The following WDR4 variants were observed in gnomAD, a reference collection of about 807,000 sequenced individuals.
WDR4 encodes tRNA (guanine-N(7)-)-methyltransferase non-catalytic subunit WDR4.
In WDR4, 47 loss-of-function variants were observed where a neutral mutation model predicts 48.6. That is an observed-to-expected ratio of 0.97 (90% confidence interval 0.77 to 1.23). WDR4 has a LOEUF of 1.23. Ranked by LOEUF, WDR4 falls within the 50% of genes most tolerant of loss-of-function variation. The pLI is 0.00. For missense variants in WDR4, 606 were observed against 551.6 expected, an observed-to-expected ratio of 1.10 and a Z score of -0.99; for synonymous variants, 268 against 230.0, an observed-to-expected ratio of 1.17 and a Z score of -1.49.
rs376665509 is a variant in WDR4, at chr21:42,862,320, C to T, written c.528G>A (p.Ala176=). 105 of 1,611,422 alleles carry T rather than the reference C, an allele frequency of 6.5e-5. No homozygotes were observed. Among genetic ancestry groups the T allele is most frequent in the Middle Eastern group, 1.7e-4 (1 of 6,036 alleles). ...AGCAGAAGGACTCGATGCTATGGGG[C>T]GCCGCGGCCCAGCTGACTCGGATCT... ...DEKIRVSWAA[A]PHSIESFCLG... Residue 176 remains alanine, a synonymous_variant, in exon 5 of 11, where the codon GCG becomes GCA. Coordinates refer to ENST00000398208, the MANE Select transcript of WDR4 (RefSeq NM_018669.6). This position sits in a 1 kb window ranked among gnomAD's most constrained non-coding sequence, Gnocchi z 4.3.
In WDR4 at chr21:42,879,505, C is replaced by A; in HGVS notation, c.-10G>T. The A allele has an allele frequency of 6.2e-7, 1 of 1,612,882 alleles. No homozygotes were observed. Among genetic ancestry groups the A allele is most frequent in the Non-Finnish European group, 8.5e-7 (1 of 1,179,758 alleles). ...CCACAGAGCCCGCCATGTACCCGCC[C>A]GCCTCACCGCCATACACATGTGCCA... On this transcript the variant is annotated 5_prime_UTR_variant, in exon 1 of 11. Coordinates refer to ENST00000398208, the MANE Select transcript of WDR4 (RefSeq NM_018669.6).
At chr21:42,853,053 A>C (rs458708) in intron 9 of WDR4, among the ~76,000 whole-genome samples, 17,734 of 152,184 alleles carry the variant, frequency 0.12, 1,104 homozygotes, top group East Asian at 0.24. Context: ...CGATGCAGAC[A>C]AGGTACAGGG....
chr21:42,850,322 G>A (rs2057791941), intron 10 of WDR4, 80 bp from the exon 11 acceptor site: 8 of 1,349,088 alleles, frequency 5.9e-6, no homozygotes, highest in African/African-American at 1.5e-5. Flanking sequence ...CCCTGCAGCA[G>A]GGAGTTACCT....
upstream of WDR4, chr21:42,879,680 G>T: frequency 1.6e-6 from 1 of 632,432 alleles, no homozygotes; most frequent in Non-Finnish European, 2.6e-6. Flanking sequence ...GGTTGTGGCT[G>T]GTGGCCTTCG....
chr21:42,892,006 G>A, the WDR4 span, among the ~76,000 whole-genome samples: 2 of 149,212 alleles, frequency 1.3e-5, no homozygotes, highest in Non-Finnish European at 1.5e-5. Flanking sequence ...GTAATCCCAG[G>A]GCTTTGGGAG....
Position 42,859,731 on chromosome 21 carries a change from G to C in WDR4, c.567-9C>G. 2 of 1,555,884 alleles carry C rather than the reference G, an allele frequency of 1.3e-6. No individual in the cohort carries two copies. Among genetic ancestry groups the C allele is most frequent in the Admixed American group, 3.9e-5 (2 of 51,598 alleles). ...AGATACGGCTCACAAACCTGTGAGG[G>C]CGAGAGAGAGCGGCAGAGTCAGCGA... On this transcript the variant is annotated splice_polypyrimidine_tract_variant and intron_variant, in intron 5 of 10. Coordinates refer to ENST00000398208, the MANE Select transcript of WDR4 (RefSeq NM_018669.6).
chr21:42,867,971 A>G (rs1315306586), intron 3 of WDR4, among the ~76,000 whole-genome samples: 1 of 152,046 alleles, frequency 6.6e-6, no homozygotes, highest in African/African-American at 2.4e-5. Flanking sequence ...AGCACCTACA[A>G]CCAAGGATGA....
chr21:42,861,330 G>A (rs7283214), intron 5 of WDR4, among the ~76,000 whole-genome samples: 1 of 120,980 alleles, frequency 8.3e-6, no homozygotes, highest in African/African-American at 3.1e-5. Flanking sequence ...GAAGGGAGGG[G>A]AAGGGTGGGG....
downstream of WDR4, among the ~76,000 whole-genome samples, chr21:42,844,547 C>T (rs2057694694): frequency 6.6e-6 from 1 of 152,214 alleles, no homozygotes; most frequent in Non-Finnish European, 1.5e-5. Context: ...AACCCACAAG[C>T]GTTGAGTCTG....
upstream of WDR4, among the ~76,000 whole-genome samples, chr21:42,880,121 ACTCT>A (rs1191123461): frequency 1.9e-4 from 27 of 145,134 alleles, no homozygotes; most frequent in African/African-American, 6.3e-4. Flanking sequence ...ACAGAGCGAG[ACTCT>A]CTCTCAAAAA....
chr21:42,874,661 G>A (rs1203029192), intron 2 of WDR4, among the ~76,000 whole-genome samples: 4 of 151,946 alleles, frequency 2.6e-5, no homozygotes, highest in South Asian at 4.1e-4. Context: ...GAGACTGTAG[G>A]GATGAAATAA....
intron 9 of WDR4, among the ~76,000 whole-genome samples, chr21:42,852,702 G>A (rs1354467022): frequency 6.6e-6 from 1 of 152,164 alleles, no homozygotes; most frequent in Non-Finnish European, 1.5e-5. Flanking sequence ...GATCACCTGA[G>A]GGTGGGAGTT....
Position 42,849,760 on chromosome 21 carries a change from C to T in WDR4, c.*289G>A, listed in dbSNP as rs553132946. The T allele has an allele frequency of 5.8e-3, 2,043 of 350,562 alleles. 14 individuals are homozygous for T. Among genetic ancestry groups the T allele is most frequent in the Middle Eastern group, 0.013 (16 of 1,278 alleles). The allele number at this position is 350,562 out of a possible 1,614,324, so 21.7% of individuals were successfully genotyped here. On this transcript the variant is annotated 3_prime_UTR_variant, in exon 11 of 11. Coordinates refer to ENST00000398208, the MANE Select transcript of WDR4 (RefSeq NM_018669.6). ...GAACAGGAGAAACACAGACAGCTGC[C>T]GCCACCACCGGCTCACACGCAGCCT...
chr21:42,854,709 G>T, intron 7 of WDR4, 83 bp from the exon 8 acceptor site: 1 of 1,344,682 alleles, frequency 7.4e-7, no homozygotes, highest in Non-Finnish European at 1.0e-6. Flanking sequence ...GAGCAAGACC[G>T]AAGGACGCTC....
At chr21:42,878,887 G>C (rs2058562231) in intron 1 of WDR4, 12 of 915,224 alleles carry the variant, frequency 1.3e-5, no homozygotes, top group Non-Finnish European at 1.6e-5. Flanking sequence ...ATTAAGGCCA[G>C]GTGAGTGGAT....
upstream of WDR4, among the ~76,000 whole-genome samples, chr21:42,884,219 A>C (rs1227232679): frequency 6.6e-6 from 1 of 152,210 alleles, no homozygotes; most frequent in East Asian, 1.9e-4. Flanking sequence ...TTTTGGCTAT[A>C]ATGAATAATG....
chr21:42,876,649 TC>T, intron 2 of WDR4, 52 bp downstream of exon 2: 1 of 1,545,434 alleles, frequency 6.5e-7, no homozygotes, highest in Non-Finnish European at 8.9e-7. Context: ...GACCCTCTGG[TC>T]CCATTATCGA....
chr21:42,844,466 T>C (rs1044433745), downstream of WDR4, among the ~76,000 whole-genome samples: 4 of 152,086 alleles, frequency 2.6e-5, no homozygotes, highest in Non-Finnish European at 5.9e-5. Flanking sequence ...TCCACTAACA[T>C]GTAAAGAGAC....
intron 3 of WDR4, among the ~76,000 whole-genome samples, chr21:42,868,915 A>G (rs1222883647): frequency 6.6e-6 from 1 of 152,260 alleles, no homozygotes; most frequent in African/African-American, 2.4e-5. Flanking sequence ...AGGAAGAGGT[A>G]CAAGGAAACA....
Sources: gnomAD v4.1 joint callset for allele counts (sites outside exome capture counted in the v4.1 genomes callset) on GRCh38, gnomAD v4.1.1 for gene constraint, Gnocchi (gnomAD v3.1) non-coding constraint, MANE v1.5 for transcripts, NCBI Gene and HGNC (gene_info 2026-07-23, HGNC 2026-07-21) for gene names.